Variants in MROH9 observed in about 807,000 individuals in gnomAD.
MROH9 encodes maestro heat-like repeat-containing protein family member 9.
A neutral mutation model predicts 98.2 loss-of-function variants in MROH9; 92 were observed. The observed-to-expected ratio is 0.94, with a 90% CI of 0.79 to 1.11. The LOEUF (loss-of-function observed/expected upper bound fraction) is 1.11, where lower values mean the gene tolerates loss of function less well. Among genes scored for constraint, MROH9 ranks in the 50% most tolerant of loss-of-function variants. The pLI, the probability that MROH9 is intolerant of heterozygous loss-of-function variation, is 0.00. For synonymous variants in MROH9, 397 were observed against 368.9 expected (o/e 1.08, Z -0.87); for missense variants, 1,057 against 1,014.8 (o/e 1.04, Z -0.57).
chr1:171,031,440 T>C (rs1306012192), intron 20 of MROH9, among the ~76,000 whole-genome samples: 5 of 152,186 alleles, frequency 3.3e-5, no homozygotes, highest in Non-Finnish European at 7.3e-5. Flanking sequence ...TTTCCATGTT[T>C]AGCACTTCTC....
At chr1:170,948,555 A>G (rs1348651888) in intron 3 of MROH9, among the ~76,000 whole-genome samples, 1 of 152,118 alleles carries the variant, frequency 6.6e-6, no homozygotes, top group African/African-American at 2.4e-5. Flanking sequence ...ATATTTATTG[A>G]GAATCTACTA....
intron 3 of MROH9, among the ~76,000 whole-genome samples, 191 bp downstream of exon 3, chr1:170,947,764 A>T (rs1468852643): frequency 6.6e-6 from 1 of 151,944 alleles, no homozygotes; most frequent in East Asian, 1.9e-4. Context: ...TTTCTTCTTC[A>T]TTCTCTCATG....
chr1:170,959,656 C>A (rs1297139024), intron 5 of MROH9, 59 bp downstream of exon 5: 2 of 1,488,460 alleles, frequency 1.3e-6, no homozygotes, highest in African/African-American at 1.4e-5. Flanking sequence ...AGCAATCCTG[C>A]AGAATGTGAC....
chr1:170,993,724 GA>G (rs1651452660), intron 12 of MROH9, among the ~76,000 whole-genome samples: 2 of 151,920 alleles, frequency 1.3e-5, no homozygotes, highest in Non-Finnish European at 2.9e-5. Flanking sequence ...AAAGAGAAAA[GA>G]AAAAATAACA....
At chr1:170,974,089 A>G (rs866574372) in intron 8 of MROH9, among the ~76,000 whole-genome samples, 1 of 152,192 alleles carries the variant, frequency 6.6e-6, no homozygotes, top group Non-Finnish European at 1.5e-5. Flanking sequence ...ATGAGCTTGC[A>G]GACATAGTAA....
chr1:171,055,098 A>G (rs1653794549), intron 20 of MROH9, among the ~76,000 whole-genome samples: 2 of 152,200 alleles, frequency 1.3e-5, no homozygotes, highest in African/African-American at 4.8e-5. Context: ...TTGCAAAAAT[A>G]TAAAACTGGC....
chr1:171,026,903 A>C (rs2101844602), intron 20 of MROH9, among the ~76,000 whole-genome samples: 1 of 152,300 alleles, frequency 6.6e-6, no homozygotes, highest in Non-Finnish European at 1.5e-5. Context: ...GCATATGAAA[A>C]ATAAGCTTTC....
At chr1:170,959,344 C>T in intron 4 of MROH9, 118 bp from the exon 5 acceptor site, 3 of 947,438 alleles carry the variant, frequency 3.2e-6, no homozygotes, top group Non-Finnish European at 4.4e-6. Flanking sequence ...CACTGCACTC[C>T]AGCCTGGGTG....
intron 3 of MROH9, 44 bp downstream of exon 3, chr1:170,947,617 T>C (rs370306891): frequency 1.3e-6 from 2 of 1,528,112 alleles, no homozygotes; most frequent in Non-Finnish European, 1.8e-6. Flanking sequence ...TGAATTCTCT[T>C]GGAAAAAATA....
At chr1:171,018,798 G>A (rs756216915) in intron 17 of MROH9, among the ~76,000 whole-genome samples, 22 of 152,162 alleles carry the variant, frequency 1.4e-4, no homozygotes, top group African/African-American at 4.8e-4. Context: ...CAGAAGAAAC[G>A]ATATCAGAGT....
chr1:171,007,077 T>A (rs1651977638), intron 15 of MROH9, among the ~76,000 whole-genome samples: 1 of 152,232 alleles, frequency 6.6e-6, no homozygotes, highest in South Asian at 2.1e-4. Context: ...TATTTGAAAA[T>A]GCAAACACCT....
At chr1:171,039,111 G>C (rs898209202) in intron 20 of MROH9, among the ~76,000 whole-genome samples, 1 of 151,996 alleles carries the variant, frequency 6.6e-6, no homozygotes, top group Non-Finnish European at 1.5e-5. Flanking sequence ...ACCTACCTAG[G>C]CCTTGGCATT....
intron 8 of MROH9, among the ~76,000 whole-genome samples, chr1:170,981,644 G>T (rs761411441): frequency 2.0e-5 from 3 of 151,474 alleles, no homozygotes. Context: ...TAAAGGACGG[G>T]TCAATAGGTG....
intron 17 of MROH9, among the ~76,000 whole-genome samples, chr1:171,020,801 G>A (rs114283104): frequency 0.1 from 15,181 of 152,088 alleles, 808 homozygotes; most frequent in Middle Eastern, 0.17. Flanking sequence ...TGGTACTCAC[G>A]TAGGAAGAGA....
chr1:171,037,648 T>C (rs1378025729), intron 20 of MROH9, among the ~76,000 whole-genome samples: 2 of 151,970 alleles, frequency 1.3e-5, no homozygotes, highest in African/African-American at 4.8e-5. Flanking sequence ...GCAAGAATAA[T>C]GGAAACTCTA....
Position 171,025,343 on chromosome 1 carries a change from C to T in MROH9, c.2204C>T (p.Thr735Ile). The change falls in exon 20 of 22, where the codon ACA (threonine) becomes ATA (isoleucine). Residue 735 changes from threonine (T) to isoleucine (I), a missense_variant. Physicochemically the swap from Thr to Ile is moderately conservative, Grantham distance 89. Coordinates refer to ENST00000367759, the MANE Select transcript of MROH9 (RefSeq NM_001163629.2). Reference sequence around the variant, plus strand: ...ATTATTTCTCATAGGAACTACATTACAGATTTGACATCTGATACCTTACGA... The same window carrying T: ...ATTATTTCTCATAGGAACTACATTATAGATTTGACATCTGATACCTTACGA... ...NLIISHRNYI[T>I]DLTSDTLRFL... 2.6e-6 allele frequency: 4 copies of T among 1,549,032 alleles called. No homozygotes were observed. Among genetic ancestry groups the T allele is most frequent in the Non-Finnish European group, 2.6e-6 (3 of 1,144,806 alleles).
chr1:170,980,792 T>C (rs1054187665), intron 8 of MROH9, among the ~76,000 whole-genome samples: 23 of 152,116 alleles, frequency 1.5e-4, no homozygotes, highest in African/African-American at 5.6e-4. Context: ...ACTAAAGAGC[T>C]TCTGCACGGC....
Position 171,033,146 on chromosome 1 carries a change from G to A in MROH9, c.2281+7726G>A, listed in dbSNP as rs577270998. Reference sequence around the variant, plus strand: ...CTGGCTCCAGCAGGGGAAAAGCACAGCCTGGGGCTTTAGAAATGGGTGCCA... The same window carrying A: ...CTGGCTCCAGCAGGGGAAAAGCACAACCTGGGGCTTTAGAAATGGGTGCCA... On this transcript the variant is annotated intron_variant, in intron 20 of 21. Coordinates refer to ENST00000367759, the MANE Select transcript of MROH9 (RefSeq NM_001163629.2). 8.5e-5 allele frequency among the ~76,000 whole-genome samples: 13 copies of A among 152,362 alleles called. No homozygotes were observed. The East Asian group carries it at 2.5e-3, about 29-fold the overall frequency.
intron 8 of MROH9, among the ~76,000 whole-genome samples, chr1:170,980,443 C>A (rs1650885645): frequency 6.6e-6 from 1 of 152,084 alleles, no homozygotes; most frequent in Non-Finnish European, 1.5e-5. Context: ...TGCAACATAA[C>A]AGAGACATCG....
Sources: gnomAD v4.1 joint callset for allele counts (sites outside exome capture counted in the v4.1 genomes callset) on GRCh38, gnomAD v4.1.1 for gene constraint, MANE v1.5 for transcripts, NCBI Gene and HGNC (gene_info 2026-07-23, HGNC 2026-07-21) for gene names.